Variants in EIF4G3 observed in about 807,000 individuals in gnomAD.
EIF4G3 encodes the protein eIF-4-gamma 3.
EIF4G3 carries 34 observed loss-of-function variants against 186.4 expected under a neutral mutation model. The observed-to-expected ratio is 0.18, with a 90% CI of 0.14 to 0.24. The LOEUF (loss-of-function observed/expected upper bound fraction) is 0.24, where lower values mean the gene tolerates loss of function less well. Among genes scored for constraint, EIF4G3 ranks in the 10% least tolerant of loss-of-function variants. EIF4G3 has a pLI of 1.00. For synonymous variants in EIF4G3, 673 were observed against 679.5 expected, an observed-to-expected ratio of 0.99 and a Z score of 0.15; for missense variants, 1,536 against 1,948.5, an observed-to-expected ratio of 0.79 and a Z score of 3.99.
At chr1:20,952,226 C>T (rs2096252295) in intron 12 of EIF4G3, among the ~76,000 whole-genome samples, 1 of 146,734 alleles carries the variant, frequency 6.8e-6, no homozygotes, top group African/African-American at 2.5e-5. Flanking sequence ...ACAACCTTGG[C>T]TTACTGAAAC....
intron 3 of EIF4G3, among the ~76,000 whole-genome samples, chr1:21,077,876 C>T (rs150789069): frequency 1.2e-3 from 167 of 143,672 alleles, no homozygotes; most frequent in African/African-American, 4.0e-3. Flanking sequence ...GCAAAAACTC[C>T]GTCTCAAAAA....
At chr1:20,899,582 T>C in intron 16 of EIF4G3, 115 bp downstream of exon 16, 1 of 1,313,444 alleles carries the variant, frequency 7.6e-7, no homozygotes, top group Non-Finnish European at 1.0e-6. Flanking sequence ...CTGTAAATAT[T>C]ATATTGTGAT....
At chr1:21,019,315 C>G (rs1008429150) in intron 4 of EIF4G3, among the ~76,000 whole-genome samples, 3 of 152,214 alleles carry the variant, frequency 2.0e-5, no homozygotes, top group Non-Finnish European at 4.4e-5. Flanking sequence ...CATATTTGCA[C>G]GTATATTTGT....
intron 34 of EIF4G3, among the ~76,000 whole-genome samples, chr1:20,813,947 G>GT (rs576925301): frequency 0.3 from 23,050 of 77,486 alleles, 4,267 homozygotes; most frequent in Non-Finnish European, 0.34. Context: ...ATGAGTCACT[G>GT]TTTTTTTTTT....
At chr1:20,976,362 G>A (rs1292951997) in intron 10 of EIF4G3, among the ~76,000 whole-genome samples, 2 of 114,284 alleles carry the variant, frequency 1.8e-5, no homozygotes, top group Non-Finnish European at 3.3e-5. Context: ...GTGTCACACA[G>A]AGGTTTAACA....
intron 2 of EIF4G3, among the ~76,000 whole-genome samples, chr1:21,143,955 G>A (rs1444716505): frequency 6.6e-6 from 1 of 152,164 alleles, no homozygotes; most frequent in Non-Finnish European, 1.5e-5. Flanking sequence ...TAAAAGAAAT[G>A]AGGTCTCCCT....
chr1:20,941,660 C>G lies in EIF4G3; in HGVS notation c.1494G>C (p.Pro498=), dbSNP rs766510132. Residue 498 remains proline, a synonymous_variant, in exon 14 of 37, where the codon CCG becomes CCC. Transcript: ENST00000602326. ...CTCTCTGGACTGTGATGGCAGCACT[C>G]GGAGAACTAACAGTAGTGGCAGCAG... ...VPAAATTVSS[P]SAAITVQRVL... The G allele has an allele frequency of 6.2e-7, 1 of 1,613,718 alleles. No homozygotes were observed. Among genetic ancestry groups the G allele is most frequent in the Non-Finnish European group, 8.5e-7 (1 of 1,179,938 alleles).
chr1:21,090,133 A>C (rs1198354104), intron 2 of EIF4G3, among the ~76,000 whole-genome samples: 1 of 152,326 alleles, frequency 6.6e-6, no homozygotes, highest in Admixed American at 6.5e-5. Flanking sequence ...GCTGTGATTT[A>C]TATCATTAGG....
chr1:21,004,790 TTTTTC>T, intron 4 of EIF4G3, among the ~76,000 whole-genome samples: 1 of 152,228 alleles, frequency 6.6e-6, no homozygotes, highest in South Asian at 2.1e-4. Flanking sequence ...ACAAAATTTC[TTTTTC>T]TTTTTTTTAA....
At chr1:21,176,644 C>A (rs1173385292) in intron 1 of EIF4G3, 78 bp downstream of exon 1, 2 of 433,668 alleles carry the variant, frequency 4.6e-6, no homozygotes, top group African/African-American at 2.1e-5. Context: ...CCAGCACCAC[C>A]GGCTGCCGGT....
At chr1:20,850,717 C>T (rs4654724) in intron 28 of EIF4G3, among the ~76,000 whole-genome samples, 42,428 of 152,096 alleles carry the variant, frequency 0.28, 7,449 homozygotes, top group Non-Finnish European at 0.39. Context: ...AACTTATCCC[C>T]ATTTAACAGA....
intron 3 of EIF4G3, among the ~76,000 whole-genome samples, chr1:21,052,656 ATC>A (rs1172319581): frequency 6.6e-6 from 1 of 151,650 alleles, no homozygotes; most frequent in East Asian, 1.9e-4. Flanking sequence ...TACTGCTGCC[ATC>A]TCGGCTCACT....
chr1:20,931,923 T>TAA (rs11290279), intron 14 of EIF4G3, among the ~76,000 whole-genome samples: 5 of 148,038 alleles, frequency 3.4e-5, no homozygotes, highest in African/African-American at 1.2e-4. Flanking sequence ...GACTCTGTCT[T>TAA]AAAAAAAAAA....
At chr1:20,900,906 A>C (rs1435385153) in intron 15 of EIF4G3, among the ~76,000 whole-genome samples, 1 of 152,198 alleles carries the variant, frequency 6.6e-6, no homozygotes, top group South Asian at 2.1e-4. Flanking sequence ...TGTTTAAAAC[A>C]ATTTTTGAGT....
chr1:20,935,353 G>A (rs1012730796), intron 14 of EIF4G3, among the ~76,000 whole-genome samples: 5 of 152,042 alleles, frequency 3.3e-5, no homozygotes, highest in African/African-American at 1.2e-4. Flanking sequence ...ACAGAAAAAT[G>A]TACAATAATT....
intron 5 of EIF4G3, among the ~76,000 whole-genome samples, chr1:21,001,695 C>A (rs1316817049): frequency 6.6e-6 from 1 of 152,010 alleles, no homozygotes; most frequent in Non-Finnish European, 1.5e-5. Context: ...TGGGGAGAAC[C>A]AGGATCTAAG....
At chr1:21,089,335 T>C (rs949043703) in intron 2 of EIF4G3, 122 bp from the exon 3 acceptor site, 1 of 606,174 alleles carries the variant, frequency 1.6e-6, no homozygotes, top group Non-Finnish European at 3.0e-6. Flanking sequence ...AGTTATATAC[T>C]TCTCCACTAA....
intron 15 of EIF4G3, among the ~76,000 whole-genome samples, chr1:20,900,219 G>T (rs2089812348): frequency 6.6e-6 from 1 of 152,138 alleles, no homozygotes; most frequent in South Asian, 2.1e-4. Flanking sequence ...GGAAAGAACT[G>T]TTAATCCATG....
chr1:21,170,580 A>C lies in EIF4G3; in HGVS notation c.-272+5595T>G, dbSNP rs998710576. On this transcript the variant is annotated intron_variant, in intron 2 of 36. Transcript: ENST00000602326. ...CAGCTACTCAGGAAGCTAAGGCAGGAGAATCACTTGAACCCAGGAGGTGGA... is the reference window on the plus strand; with the variant it reads ...CAGCTACTCAGGAAGCTAAGGCAGGCGAATCACTTGAACCCAGGAGGTGGA... 5.3e-5 allele frequency among the ~76,000 whole-genome samples: 8 copies of C among 152,224 alleles called. No individual in the cohort carries two copies. In the East Asian group the frequency reaches 1.5e-3, roughly 29 times the overall value.
Sources: gnomAD v4.1 joint callset for allele counts (sites outside exome capture counted in the v4.1 genomes callset) on GRCh38, gnomAD v4.1.1 for gene constraint, MANE v1.5 for transcripts, NCBI Gene and HGNC (gene_info 2026-07-23, HGNC 2026-07-21) for gene names.